The following SPMIP5 variants were observed in gnomAD, a reference collection of about 807,000 sequenced individuals.
SPMIP5 encodes the protein sperm-associated microtubule inner protein 5.
chr10:116,669,847 T>A, the SPMIP5 span: 2 of 152,088 alleles, frequency 1.3e-5, no homozygotes, highest in Non-Finnish European at 2.9e-5. Context: ...AAAGGCGGTG[T>A]CCTGAGAAAG....
the SPMIP5 span, among the ~76,000 whole-genome samples, chr10:116,667,588 C>T: frequency 0.028 from 4,244 of 152,288 alleles, 85 homozygotes; most frequent in Non-Finnish European, 0.043. Context: ...AAGTACTATT[C>T]CTCCTGAGAA....
chr10:116,663,944 G>A, the SPMIP5 span: 17 of 1,537,594 alleles, frequency 1.1e-5, no homozygotes, highest in Admixed American at 2.0e-5. Context: ...AGTGGCTCTA[G>A]ATACATCTTC....
the SPMIP5 span, chr10:116,664,666 A>G: frequency 6.5e-7 from 1 of 1,538,222 alleles, no homozygotes; most frequent in Non-Finnish European, 8.7e-7. Flanking sequence ...AAATAGTCCT[A>G]GTGCTGGGAT....
chr10:116,665,640 T>C, the SPMIP5 span: 3 of 1,613,940 alleles, frequency 1.9e-6, no homozygotes, highest in African/African-American at 2.7e-5. Context: ...CAGATTGTAC[T>C]GGTGCAGGGC....
chr10:116,662,706 A>C, the SPMIP5 span, among the ~76,000 whole-genome samples: 1 of 152,152 alleles, frequency 6.6e-6, no homozygotes, highest in Admixed American at 6.5e-5. Flanking sequence ...TGCTGGTGGC[A>C]AGATGATGTT....
the SPMIP5 span, chr10:116,664,883 C>T: frequency 1.7e-4 from 281 of 1,614,002 alleles, no homozygotes; most frequent in Non-Finnish European, 2.2e-4. Context: ...CCTTGGCTCT[C>T]GGCAGGTAGC....
At chr10:116,667,370 T>C in the SPMIP5 span, among the ~76,000 whole-genome samples, 9 of 152,276 alleles carry the variant, frequency 5.9e-5, no homozygotes, top group South Asian at 1.9e-3. Flanking sequence ...TTAAACCACA[T>C]AGTTTGTGGT....
the SPMIP5 span, chr10:116,668,222 C>A: frequency 6.2e-7 from 1 of 1,602,258 alleles, no homozygotes; most frequent in East Asian, 2.2e-5. Flanking sequence ...CCGGGTTCCC[C>A]TGCCAGGCAC....
chr10:116,663,999 C>T, the SPMIP5 span: 68 of 1,546,534 alleles, frequency 4.4e-5, no homozygotes, highest in South Asian at 4.0e-4. Flanking sequence ...CACATGTCAG[C>T]GGAGTTTTGG....
chr10:116,663,854 C>A, the SPMIP5 span: 1 of 1,473,044 alleles, frequency 6.8e-7, no homozygotes, highest in Non-Finnish European at 9.0e-7. Flanking sequence ...ATGAGAATGG[C>A]AGGTTTTGGA....
chr10:116,666,990 G>A, the SPMIP5 span, among the ~76,000 whole-genome samples: 1 of 152,156 alleles, frequency 6.6e-6, no homozygotes, highest in East Asian at 1.9e-4. Context: ...ATATATGCAA[G>A]TCCTAACCCC....
chr10:116,663,831 G>A, the SPMIP5 span: 1 of 1,428,566 alleles, frequency 7.0e-7, no homozygotes, highest in Non-Finnish European at 9.2e-7. Context: ...TGCTCACTGG[G>A]CGTGATTCCA....
At chr10:116,664,230 G>A in the SPMIP5 span, 5 of 1,612,256 alleles carry the variant, frequency 3.1e-6, no homozygotes, top group African/African-American at 6.7e-5. Flanking sequence ...CAAAACTTTT[G>A]GAGACGGAGC....
the SPMIP5 span, chr10:116,663,875 A>T: frequency 4.0e-6 from 6 of 1,497,606 alleles, no homozygotes; most frequent in Non-Finnish European, 5.3e-6. Context: ...AGCCCCACTT[A>T]AAGTTCACCT....
chr10:116,668,333 G>C, the SPMIP5 span: 1 of 1,593,204 alleles, frequency 6.3e-7, no homozygotes, highest in Non-Finnish European at 8.6e-7. Flanking sequence ...TCTGTTAGTG[G>C]AGGGAAGAGG....
At chr10:116,668,209 G>A in the SPMIP5 span, 2 of 1,561,562 alleles carry the variant, frequency 1.3e-6, no homozygotes, top group Non-Finnish European at 1.8e-6. Context: ...CAGTGACCAG[G>A]ACCCGGGTTC....
the SPMIP5 span, chr10:116,668,393 G>GGAATTAC: frequency 8.0e-7 from 1 of 1,250,560 alleles, no homozygotes; most frequent in African/African-American, 1.5e-5. Flanking sequence ...TTACTATTGA[G>GGAATTAC]TGTGCACAAG....
chr10:116,666,714 A>C, the SPMIP5 span, among the ~76,000 whole-genome samples: 1 of 152,092 alleles, frequency 6.6e-6, no homozygotes, highest in African/African-American at 2.4e-5. Flanking sequence ...CAGACTCCCC[A>C]ACCCTTGGAT....
the SPMIP5 span, chr10:116,664,303 G>T: frequency 6.9e-7 from 1 of 1,445,596 alleles, no homozygotes; most frequent in South Asian, 1.2e-5. Flanking sequence ...CAAAGTTATG[G>T]ACCTTTTATT....
Sources: gnomAD v4.1 joint callset for allele counts (sites outside exome capture counted in the v4.1 genomes callset) on GRCh38, gnomAD v4.1.1 for gene constraint, MANE v1.5 for transcripts, NCBI Gene and HGNC (gene_info 2026-07-23, HGNC 2026-07-21) for gene names.